The following CCER2 variants were observed in gnomAD, a reference collection of about 807,000 sequenced individuals.
CCER2 encodes coiled-coil domain-containing glutamate-rich protein 2.
A neutral mutation model predicts 27.1 loss-of-function variants in CCER2; 20 were observed. That is an observed-to-expected ratio of 0.74 (90% confidence interval 0.52 to 1.07). The LOEUF (loss-of-function observed/expected upper bound fraction) is 1.07, where lower values mean the gene tolerates loss of function less well. Among genes scored for constraint, CCER2 ranks in the 50% least tolerant of loss-of-function variants. The probability of loss-of-function intolerance (pLI) is 0.00; values close to 1 mark genes in which losing one functional copy is unlikely to be tolerated. For missense variants in CCER2, 351 were observed against 344.7 expected (o/e 1.02, Z -0.14); for synonymous variants, 140 against 144.3 (o/e 0.97, Z 0.21).
chr19:38,911,814 C>A lies in CCER2; in HGVS notation c.100G>T (p.Glu34Ter). Residue 34 changes from glutamate (E) to a stop codon, truncating the protein, a stop_gained and splice_region_variant, in exon 2 of 5, where the codon GAG (glutamate) becomes TAG (stop). Coordinates refer to ENST00000571838, the MANE Select transcript of CCER2 (RefSeq NM_001243212.2). LOFTEE classifies it high-confidence loss of function. ...APLAPRPSKE[E>*]LTRCLAEVVT... Reference sequence around the variant, plus strand: ...GGCAAGGCCTCCACACTCCTCACCTCCTCCTTGGAGGGTCTCGGTGCCAAG... The same window carrying A: ...GGCAAGGCCTCCACACTCCTCACCTACTCCTTGGAGGGTCTCGGTGCCAAG... 1 of 1,535,256 alleles carries A rather than the reference C, an allele frequency of 6.5e-7. No homozygotes were observed. The highest frequency in any genetic ancestry group is 1.7e-4 in the Middle Eastern group (1 of 5,964).
At chr19:38,909,438 C>G (rs905381825) in intron 4 of CCER2, 113 bp from the exon 5 acceptor site, 2 of 1,006,954 alleles carry the variant, frequency 2.0e-6, no homozygotes, top group Non-Finnish European at 3.0e-6. Context: ...AGCGGTCGTT[C>G]TGATCGTCGT....
At chr19:38,911,406 G>C (rs1176862416) in intron 3 of CCER2, among the ~76,000 whole-genome samples, 160 bp downstream of exon 3, 3 of 152,244 alleles carry the variant, frequency 2.0e-5, no homozygotes, top group Admixed American at 6.5e-5. Flanking sequence ...ATGCTGGGCA[G>C]TGCCCCGCTG....
intron 1 of CCER2, 45 bp from the exon 2 acceptor site, chr19:38,911,897 T>A: frequency 6.5e-7 from 1 of 1,532,830 alleles, no homozygotes; most frequent in Non-Finnish European, 8.7e-7. Flanking sequence ...CCCTGGCTGC[T>A]GTCCCCGGTA....
In CCER2 at chr19:38,910,547, T is replaced by G. The variant is rs1242306595; in HGVS notation, c.711+16A>C. ...TCCAAACTGTGTTGGTGTTCCTCCT[T>G]CATCCCCCTACTCACCTCCCTCTCC... On this transcript the variant is annotated intron_variant, in intron 4 of 4. Coordinates refer to ENST00000571838, the MANE Select transcript of CCER2 (RefSeq NM_001243212.2). 2 of 1,454,282 alleles carry G rather than the reference T, an allele frequency of 1.4e-6. No individual in the cohort carries two copies. Among genetic ancestry groups the G allele is most frequent in the African/African-American group, 1.4e-5 (1 of 70,518 alleles). The allele number at this position is 1,454,282 out of a possible 1,614,324, so 90.1% of individuals were successfully genotyped here. A position where few individuals can be genotyped will look rare whatever the true frequency, so the allele number is the denominator to read the frequency against.
rs186707633 is a variant in CCER2, at chr19:38,911,423, G to C, written c.190+143C>G. 1.9e-5 allele frequency: 14 copies of C among 729,320 alleles called. 1 individual carries two copies. In the Admixed American group the frequency reaches 3.4e-4, roughly 17 times the overall value. 45.2% of individuals were successfully genotyped at this position (729,320 alleles called of 1,614,324 possible). Reference sequence around the variant, plus strand: ...GCTGGGCAGTGCCCCGCTGGTCCAGGCAACAGGGCTCTGGGAATGAGGACC... The same window carrying C: ...GCTGGGCAGTGCCCCGCTGGTCCAGCCAACAGGGCTCTGGGAATGAGGACC... On this transcript the variant is annotated intron_variant, in intron 3 of 4. Coordinates refer to ENST00000571838, the MANE Select transcript of CCER2 (RefSeq NM_001243212.2).
In CCER2 at chr19:38,910,627, T is replaced by C; in HGVS notation, c.647A>G (p.His216Arg). 2.0e-6 allele frequency: 3 copies of C among 1,526,146 alleles called. No homozygotes were observed. The highest frequency in any genetic ancestry group is 2.0e-5 in the Admixed American group (1 of 50,466). The allele number at this position is 1,526,146 out of a possible 1,614,324, so 94.5% of individuals were successfully genotyped here. A position where few individuals can be genotyped will look rare whatever the true frequency, so the allele number is the denominator to read the frequency against. ...AGCCTCTGGCTGGTGGTGGTGGTGG[T>C]GGTGGTGGGGCAAGTCCTCGCGCCT... The part of the protein sequence containing the change: ...GERREDLPHH[H>R]HHHHQPEAEP... The change falls in exon 4 of 5, where the codon CAC (histidine) becomes CGC (arginine). Residue 216 changes from histidine to arginine, a missense_variant. Coordinates refer to ENST00000571838, the MANE Select transcript of CCER2 (RefSeq NM_001243212.2).
Position 38,912,184 on chromosome 19 carries a change from G to A in CCER2, c.-26C>T, listed in dbSNP as rs1195014601. The A allele has an allele frequency of 1.9e-5, 28 of 1,455,478 alleles. No homozygotes were observed. The highest frequency in any genetic ancestry group is 2.4e-5 in the Non-Finnish European group (27 of 1,109,428). 90.2% of individuals were successfully genotyped at this position (1,455,478 alleles called of 1,614,324 possible). A position where few individuals can be genotyped will look rare whatever the true frequency, so the allele number is the denominator to read the frequency against. ...GGTGGGCGTCCAACGGGTCCAAGGC[G>A]CTGTGCGGGCCAGGGTTGCAGCGCC... is the stretch of plus-strand genomic sequence containing the variant. On this transcript the variant is annotated 5_prime_UTR_variant, in exon 1 of 5. Coordinates refer to ENST00000571838, the MANE Select transcript of CCER2 (RefSeq NM_001243212.2).
intron 4 of CCER2, among the ~76,000 whole-genome samples, chr19:38,910,167 G>A (rs1014858671): frequency 5.3e-5 from 8 of 152,166 alleles, no homozygotes; most frequent in African/African-American, 1.7e-4. Context: ...ACAGGTGTGA[G>A]CCACCATGCC....
Position 38,910,864 on chromosome 19 carries a change from T to C in CCER2, c.410A>G (p.Glu137Gly), listed in dbSNP as rs1337444291. ...HRQLHQEEDE[E>G]EEKEERKRGP... is the part of the protein sequence containing the mutation. ...CCTCTTCCTCTCCTCCTTCTCCTCC[T>C]CCTCGTCCTCCTCCTGGTGGAGCTG... The change falls in exon 4 of 5, where the codon GAG (glutamate) becomes GGG (glycine). Residue 137 changes from glutamate (E) to glycine (G), a missense_variant. Transcript: ENST00000571838. 16 of 1,520,686 alleles carry C rather than the reference T, an allele frequency of 1.1e-5. No homozygotes were observed. Among genetic ancestry groups the C allele is most frequent in the Non-Finnish European group, 1.4e-5 (16 of 1,138,936 alleles). The allele number at this position is 1,520,686 out of a possible 1,614,324, so 94.2% of individuals were successfully genotyped here. A position where few individuals can be genotyped will look rare whatever the true frequency, so the allele number is the denominator to read the frequency against.
In CCER2 at chr19:38,910,597, G is replaced by T; in HGVS notation, c.677C>A (p.Pro226His). 1 of 1,508,416 alleles carries T rather than the reference G, an allele frequency of 6.6e-7. No homozygotes were observed. Among genetic ancestry groups the T allele is most frequent in the Non-Finnish European group, 8.8e-7 (1 of 1,131,288 alleles). The allele number at this position is 1,508,416 out of a possible 1,614,324, so 93.4% of individuals were successfully genotyped here. The change falls in exon 4 of 5, where the codon CCC (proline) becomes CAC (histidine). Residue 226 changes from proline to histidine, a missense_variant. Coordinates refer to ENST00000571838, the MANE Select transcript of CCER2 (RefSeq NM_001243212.2). The part of the protein sequence containing the change: ...HHHHHQPEAE[P>H]RQEKEEASER... ...CGAAGCCTCCTCCTTCTCCTGCCTG[G>T]GCTCAGCCTCTGGCTGGTGGTGGTG...
intron 4 of CCER2, 43 bp from the exon 5 acceptor site, chr19:38,909,368 G>C: frequency 4.0e-6 from 6 of 1,516,138 alleles, no homozygotes; most frequent in Non-Finnish European, 5.3e-6. Flanking sequence ...CACCTTCAAA[G>C]GCAGGCCACC....
At position 38,911,022 on chromosome 19, in the gene CCER2, C is replaced by T; in HGVS notation, c.252G>A (p.Gly84=). Residue 84 remains glycine (G), a synonymous_variant, in exon 4 of 5, where the codon GGG becomes GGA. Transcript: ENST00000571838. ...TCCCAGCCTCCTGCTTCTTGAAATCCCCAAGCAGCAGGCCTTTCTCCTCGG... is the reference window on the plus strand; with the variant it reads ...TCCCAGCCTCCTGCTTCTTGAAATCTCCAAGCAGCAGGCCTTTCTCCTCGG... ...ASTEEKGLLL[G]DFKKQEAGKM... 6.7e-7 allele frequency: 1 copy of T among 1,482,276 alleles called. No individual in the cohort carries two copies. Among genetic ancestry groups the T allele is most frequent in the Non-Finnish European group, 8.9e-7 (1 of 1,124,138 alleles). The allele number at this position is 1,482,276 out of a possible 1,614,324, so 91.8% of individuals were successfully genotyped here.
In CCER2 at chr19:38,911,569, T is replaced by C. The variant is rs540925856; in HGVS notation, c.187A>G (p.Lys63Glu). 18 of 1,535,208 alleles carry C rather than the reference T, an allele frequency of 1.2e-5. 1 individual carries two copies. The Admixed American group carries it at 2.7e-4, about 23-fold the overall frequency. ...GTGGGGCCCGGGGCCTCCTTACCCT[T>C]GTGGAGAAGAGCAGTGCAGGGTCCT... ...QRGPCTALLH[K>E]ELCGTEPHGC... is the part of the protein sequence containing the mutation. The change falls in exon 3 of 5, where the codon AAG becomes GAG. Residue 63 changes from lysine (K) to glutamate (E), a missense_variant. Lys to Glu is a moderately conservative substitution (Grantham distance 56, BLOSUM62 1). Coordinates refer to ENST00000571838, the MANE Select transcript of CCER2 (RefSeq NM_001243212.2).
intron 4 of CCER2, 131 bp from the exon 5 acceptor site, chr19:38,909,456 G>A (rs1222454942): frequency 6.1e-6 from 5 of 822,082 alleles, no homozygotes; most frequent in African/African-American, 5.0e-5. Flanking sequence ...CGTGGACCGC[G>A]ATGGTGACCA....
At chr19:38,911,789 G>A in intron 2 of CCER2, 23 bp downstream of exon 2, 2 of 1,535,036 alleles carry the variant, frequency 1.3e-6, no homozygotes, top group Non-Finnish European at 1.7e-6. Flanking sequence ...GGTGAGGCAG[G>A]GCAAGGCCTC....
intron 4 of CCER2, among the ~76,000 whole-genome samples, 182 bp downstream of exon 4, chr19:38,910,381 G>A (rs914843659): frequency 6.6e-6 from 1 of 152,208 alleles, no homozygotes; most frequent in Non-Finnish European, 1.5e-5. Flanking sequence ...GGAAGTATAA[G>A]GTAAAGGCCT....
chr19:38,909,035 TG>T lies in CCER2; in HGVS notation c.*200del. On this transcript the variant is annotated 3_prime_UTR_variant, in exon 5 of 5. Transcript: ENST00000571838. The stretch of plus-strand genomic sequence containing the variant: ...GGGTTGGAGTGGGAGTGCATAGGTG[TG>T]GGGGTGCTTCCTGTGTCAGGGCTGA... The T allele has an allele frequency of 4.3e-6, 4 of 940,478 alleles. No homozygotes were observed. In the South Asian group the frequency reaches 6.9e-5, roughly 16 times the overall value. The allele number at this position is 940,478 out of a possible 1,614,324, so 58.3% of individuals were successfully genotyped here. A position where few individuals can be genotyped will look rare whatever the true frequency, so the allele number is the denominator to read the frequency against.
chr19:38,909,166 G>A lies in CCER2; in HGVS notation c.*70C>T. ...GGGGTGGCGTGGGGTGCTAGGTGAG[G>A]TGGAGGCTTCGGGGTCAACAGTCCT... On this transcript the variant is annotated 3_prime_UTR_variant, in exon 5 of 5. Coordinates refer to ENST00000571838, the MANE Select transcript of CCER2 (RefSeq NM_001243212.2). The A allele has an allele frequency of 1.4e-6, 2 of 1,455,896 alleles. No individual in the cohort carries two copies. The highest frequency in any genetic ancestry group is 1.9e-6 in the Non-Finnish European group (2 of 1,075,610). The allele number at this position is 1,455,896 out of a possible 1,614,324, so 90.2% of individuals were successfully genotyped here. A position where few individuals can be genotyped will look rare whatever the true frequency, so the allele number is the denominator to read the frequency against.
chr19:38,911,707 G>T, intron 2 of CCER2, 54 bp from the exon 3 acceptor site: 1 of 1,526,592 alleles, frequency 6.6e-7, no homozygotes. Flanking sequence ...GGGAGATGGG[G>T]AGGAGAGCAG....
Sources: allele counts gnomAD v4.1 joint callset (sites outside exome capture counted in the v4.1 genomes callset), GRCh38; gene constraint gnomAD v4.1.1; transcripts MANE v1.5; gene names NCBI Gene and HGNC (gene_info 2026-07-23, HGNC 2026-07-21).